Variants in LMTK2 observed in about 807,000 individuals in gnomAD.
LMTK2 encodes the protein serine/threonine-protein kinase LMTK2.
In LMTK2, 37 loss-of-function variants were observed where a neutral mutation model predicts 127.5. The ratio of observed to expected loss-of-function variants is 0.29; its 90% CI spans 0.22 to 0.38. The LOEUF is 0.38. Ranked by LOEUF, LMTK2 falls within the 10% of genes least tolerant of loss-of-function variation. The pLI, the probability that LMTK2 is intolerant of heterozygous loss-of-function variation, is 1.00. For synonymous variants in LMTK2, 819 were observed against 810.1 expected (o/e 1.01, Z -0.19); for missense variants, 1,694 against 1,920.3 (o/e 0.88, Z 2.20).
chr7:98,127,914 G>A (rs573661229), intron 1 of LMTK2, among the ~76,000 whole-genome samples: 2 of 152,172 alleles, frequency 1.3e-5, no homozygotes, highest in Non-Finnish European at 2.9e-5. Context: ...AGGCCAAGGT[G>A]GGTGGATCAC....
chr7:98,146,841 G>A (rs1796781242), intron 3 of LMTK2, among the ~76,000 whole-genome samples: 1 of 152,170 alleles, frequency 6.6e-6, no homozygotes, highest in African/African-American at 2.4e-5. Context: ...CTTTACTGGA[G>A]ATCTTTATTT....
Position 98,151,296 on chromosome 7 carries a change from C to G in LMTK2, c.377-86C>G, listed in dbSNP as rs545229989. ...TTATTCCTACCTTTATTTGCACAAG[C>G]CTTTATGTTAGTGTTCATACTTTAT... On this transcript the variant is annotated intron_variant, in intron 3 of 13. Coordinates refer to ENST00000297293, the MANE Select transcript of LMTK2 (RefSeq NM_014916.4). 176 of 832,048 alleles carry G rather than the reference C, an allele frequency of 2.1e-4. 1 individual carries two copies. Among genetic ancestry groups the G allele is most frequent in the Middle Eastern group, 6.7e-4 (2 of 2,968 alleles). 51.5% of individuals were successfully genotyped at this position (832,048 alleles called of 1,614,324 possible).
At chr7:98,176,704 A>AG (rs1797282634) in intron 7 of LMTK2, among the ~76,000 whole-genome samples, 1 of 152,096 alleles carries the variant, frequency 6.6e-6, no homozygotes, top group Non-Finnish European at 1.5e-5. Context: ...AAAATTAGCC[A>AG]GGCGTGGTGG....
intron 3 of LMTK2, among the ~76,000 whole-genome samples, chr7:98,150,184 T>A (rs965345477): frequency 6.6e-6 from 1 of 151,956 alleles, no homozygotes; most frequent in Non-Finnish European, 1.5e-5. Flanking sequence ...AGCAGGTGCC[T>A]GTAGTCCCAG....
chr7:98,144,305 C>A (rs1293758116), intron 3 of LMTK2, among the ~76,000 whole-genome samples: 1 of 151,666 alleles, frequency 6.6e-6, no homozygotes, highest in Non-Finnish European at 1.5e-5. Flanking sequence ...TGGTGACGGG[C>A]GCCTGTATTC....
intron 7 of LMTK2, among the ~76,000 whole-genome samples, chr7:98,174,814 A>G (rs1425306106): frequency 6.6e-6 from 1 of 152,238 alleles, no homozygotes; most frequent in East Asian, 1.9e-4. Context: ...GGTGAGAGGT[A>G]GAGAAATGCA....
intron 1 of LMTK2, among the ~76,000 whole-genome samples, chr7:98,119,512 T>A (rs1432259591): frequency 2.0e-5 from 3 of 152,202 alleles, no homozygotes; most frequent in South Asian, 2.1e-4. Flanking sequence ...AGTATTTTTT[T>A]ATTTTTTTAA....
At chr7:98,113,010 T>C (rs73404140) in intron 1 of LMTK2, among the ~76,000 whole-genome samples, 380 of 152,154 alleles carry the variant, frequency 2.5e-3, no homozygotes, top group African/African-American at 8.9e-3. Context: ...TACAGACACT[T>C]ACCTGTAGGT....
chr7:98,140,960 G>C (rs1208091976), intron 2 of LMTK2, among the ~76,000 whole-genome samples: 41 of 151,812 alleles, frequency 2.7e-4, no homozygotes, highest in Non-Finnish European at 1.5e-5. Flanking sequence ...GGGAGGCTGA[G>C]GTAGGCGGCT....
At chr7:98,204,489 G>A (rs1797759477) in intron 13 of LMTK2, among the ~76,000 whole-genome samples, 1 of 151,986 alleles carries the variant, frequency 6.6e-6, no homozygotes, top group South Asian at 2.1e-4. Flanking sequence ...TTAGCTGGAT[G>A]TGGTGGTGTG....
At chr7:98,123,549 C>T (rs1260418850) in intron 1 of LMTK2, among the ~76,000 whole-genome samples, 3 of 152,016 alleles carry the variant, frequency 2.0e-5, no homozygotes, top group African/African-American at 7.3e-5. Flanking sequence ...AGGTCTGAAG[C>T]TTTTAAGACT....
intron 6 of LMTK2, among the ~76,000 whole-genome samples, chr7:98,167,495 C>A (rs576758940): frequency 9.2e-5 from 14 of 152,290 alleles, no homozygotes; most frequent in Admixed American, 2.6e-4. Flanking sequence ...GGGACCAATA[C>A]CACAGCAGCG....
In LMTK2 at chr7:98,193,211, A is replaced by C. The variant is rs55867257; in HGVS notation, c.2746A>C (p.Ser916Arg). The change falls in exon 11 of 14, where the codon AGT (serine) becomes CGT (arginine). Residue 916 changes from serine (S) to arginine (R), a missense_variant. Physicochemically the swap from Ser to Arg is moderately radical, Grantham distance 110. Transcript: ENST00000297293. This position sits in a 1 kb window ranked among gnomAD's most constrained non-coding sequence, Gnocchi z 4.1. ...DILASRVSVGSSLPELGQELH... is the reference protein window; with the variant it reads ...DILASRVSVGRSLPELGQELH... ...CCTTGCCAGCAGGGTGAGTGTAGGG[A>C]GTAGTCTCCCGGAACTGGGACAGGA... 1.2e-5 allele frequency: 19 copies of C among 1,613,814 alleles called. No homozygotes were observed. Among genetic ancestry groups the C allele is most frequent in the Non-Finnish European group, 1.5e-5 (18 of 1,180,024 alleles).
chr7:98,108,262 CAGGTCTT>C (rs1191570432), intron 1 of LMTK2, among the ~76,000 whole-genome samples: 3 of 152,122 alleles, frequency 2.0e-5, no homozygotes, highest in South Asian at 4.1e-4. Context: ...GCCCCAAAGC[CAGGTCTT>C]AGATACCCCT....
rs545767589 is a variant in LMTK2, at chr7:98,150,016, A to C, written c.377-1366A>C. On this transcript the variant is annotated intron_variant, in intron 3 of 13. Transcript: ENST00000297293. The stretch of plus-strand genomic sequence containing the variant: ...AAGATATACAGATGGCAGGTAGGCA[A>C]GTGAAAAGGGACTTGATATCATTAG... Among the ~76,000 whole-genome samples the C allele has an allele frequency of 3.9e-5, 6 of 152,344 alleles. No homozygotes were observed. The South Asian group carries it at 1.2e-3, about 32-fold the overall frequency.
chr7:98,156,745 C>T (rs1052567134), intron 5 of LMTK2, among the ~76,000 whole-genome samples: 24 of 152,160 alleles, frequency 1.6e-4, no homozygotes, highest in African/African-American at 5.3e-4. Context: ...CATGAAGTTA[C>T]GGAGGCTGGA....
At chr7:98,173,785 G>A (rs866250952) in intron 7 of LMTK2, among the ~76,000 whole-genome samples, 16 of 152,296 alleles carry the variant, frequency 1.1e-4, no homozygotes, top group Middle Eastern at 3.4e-3. Flanking sequence ...GGCCGGGCAC[G>A]GTGGCTCATG....
intron 1 of LMTK2, among the ~76,000 whole-genome samples, chr7:98,113,873 C>T (rs1584240382): frequency 6.6e-6 from 1 of 151,648 alleles, no homozygotes; most frequent in African/African-American, 2.4e-5. Flanking sequence ...CCTGCCTTGG[C>T]ATTACAATTG....
chr7:98,194,542 C>T lies in LMTK2; in HGVS notation c.4077C>T (p.Phe1359=), dbSNP rs560743982. The T allele has an allele frequency of 1.9e-5, 31 of 1,608,754 alleles. No homozygotes were observed. In the East Asian group the frequency reaches 4.2e-4, roughly 22 times the overall value. ...AGGAAAAGAAGGCAGTCACGTTTTT[C>T]GATGATGTCACAGTCTACCTGTTTG... ...WKKEKKAVTF[F]DDVTVYLFDQ... is the part of the protein sequence containing the mutation. The change falls in exon 11 of 14, where the codon TTC becomes TTT. Residue 1359 remains phenylalanine (F), a synonymous_variant. Transcript: ENST00000297293. This position sits in a 1 kb window ranked among gnomAD's most constrained non-coding sequence, Gnocchi z 5.4.
Sources: gnomAD v4.1 joint callset for allele counts (sites outside exome capture counted in the v4.1 genomes callset) on GRCh38, gnomAD v4.1.1 for gene constraint, Gnocchi (gnomAD v3.1) non-coding constraint, MANE v1.5 for transcripts, NCBI Gene and HGNC (gene_info 2026-07-23, HGNC 2026-07-21) for gene names.